The following PTPRD variants were observed in gnomAD, a reference collection of about 807,000 sequenced individuals.
PTPRD encodes the protein receptor-type tyrosine-protein phosphatase delta.
Under a neutral mutation model 214.5 loss-of-function variants are expected in PTPRD, and 34 were observed. That is an observed-to-expected ratio of 0.16 (90% CI 0.12 to 0.21). PTPRD has a LOEUF of 0.21. Ranked by LOEUF, PTPRD falls within the 10% of genes least tolerant of loss-of-function variation. PTPRD has a pLI of 1.00. For synonymous variants in PTPRD, 1,128 were observed against 845.7 expected (o/e 1.33, Z -5.79); for missense variants, 2,545 against 2,398.7 (o/e 1.06, Z -1.27).
At chr9:9,510,339 T>C (rs1053650726) in intron 8 of PTPRD, among the ~76,000 whole-genome samples, 3 of 151,720 alleles carry the variant, frequency 2.0e-5, no homozygotes, top group African/African-American at 7.3e-5. Context: ...AAACAGGATG[T>C]CTTATTCTTT....
intron 9 of PTPRD, among the ~76,000 whole-genome samples, chr9:9,272,575 A>G (rs1943388110): frequency 1.3e-5 from 2 of 151,260 alleles, no homozygotes; most frequent in Admixed American, 1.3e-4. Flanking sequence ...ATCTGATGCC[A>G]TTATCTTTGC....
chr9:10,243,204 T>G (rs2091452173), intron 3 of PTPRD, among the ~76,000 whole-genome samples: 1 of 152,004 alleles, frequency 6.6e-6, no homozygotes, highest in Non-Finnish European at 1.5e-5. Flanking sequence ...TATCTGAAGT[T>G]GCTGCTTTGA....
chr9:8,945,476 A>C (rs1000864374), intron 11 of PTPRD, among the ~76,000 whole-genome samples: 5 of 151,772 alleles, frequency 3.3e-5, no homozygotes, highest in African/African-American at 1.2e-4. Context: ...ATTACTTTGC[A>C]CCTGGCTATC....
At chr9:9,191,301 A>T (rs1038393741) in intron 9 of PTPRD, among the ~76,000 whole-genome samples, 9 of 152,096 alleles carry the variant, frequency 5.9e-5, no homozygotes, top group Non-Finnish European at 8.8e-5. Flanking sequence ...TGAGATAGGA[A>T]GGGGTCTTCT....
At chr9:10,503,205 A>AC (rs1187870575) in intron 2 of PTPRD, among the ~76,000 whole-genome samples, 3 of 134,736 alleles carry the variant, frequency 2.2e-5, no homozygotes, top group African/African-American at 3.2e-5. Flanking sequence ...AAAAAAAAAA[A>AC]AACAAAAAAA....
chr9:9,264,440 ACT>A (rs764795627), intron 9 of PTPRD, among the ~76,000 whole-genome samples: 1 of 151,582 alleles, frequency 6.6e-6, no homozygotes, highest in Non-Finnish European at 1.5e-5. Flanking sequence ...TAGAAGAAAG[ACT>A]CTGTGAAATC....
intron 7 of PTPRD, among the ~76,000 whole-genome samples, chr9:9,675,269 G>A (rs2096907377): frequency 6.6e-6 from 1 of 151,776 alleles, no homozygotes; most frequent in Admixed American, 6.6e-5. Flanking sequence ...ATCAAAATCT[G>A]TAGATGCAGT....
chr9:8,340,538 C>T, intron 41 of PTPRD, 69 bp from the exon 42 acceptor site: 1 of 1,403,716 alleles, frequency 7.1e-7, no homozygotes, highest in Non-Finnish European at 9.5e-7. Flanking sequence ...ACACTGGATA[C>T]ATAAACATCA....
At chr9:10,354,373 T>A (rs908205401) in intron 2 of PTPRD, among the ~76,000 whole-genome samples, 1 of 152,188 alleles carries the variant, frequency 6.6e-6, no homozygotes, top group Non-Finnish European at 1.5e-5. Flanking sequence ...TTCTAATTTC[T>A]GACTGTTAAA....
intron 10 of PTPRD, among the ~76,000 whole-genome samples, chr9:9,048,048 G>T (rs563952249): frequency 6.6e-6 from 1 of 152,096 alleles, no homozygotes; most frequent in Non-Finnish European, 1.5e-5. Context: ...CATAAGAAAA[G>T]GTGCTTGACA....
intron 9 of PTPRD, among the ~76,000 whole-genome samples, chr9:9,386,694 A>G (rs114050190): frequency 0.037 from 5,602 of 152,264 alleles, 357 homozygotes; most frequent in African/African-American, 0.13. Flanking sequence ...ACATGTACAT[A>G]AAATCACACA....
intron 7 of PTPRD, among the ~76,000 whole-genome samples, chr9:9,716,779 A>T (rs1258555309): frequency 6.6e-6 from 1 of 151,454 alleles, no homozygotes; most frequent in African/African-American, 2.4e-5. Flanking sequence ...GGTTGCAAAA[A>T]TTTTCTCCCA....
chr9:8,683,911 A>T (rs1388725586), intron 12 of PTPRD, among the ~76,000 whole-genome samples: 1 of 152,218 alleles, frequency 6.6e-6, no homozygotes, highest in Non-Finnish European at 1.5e-5. Flanking sequence ...AGAACTCATC[A>T]GGAGACCAAA....
intron 12 of PTPRD, among the ~76,000 whole-genome samples, chr9:8,684,921 T>C (rs903934478): frequency 1.3e-5 from 2 of 152,140 alleles, no homozygotes; most frequent in South Asian, 2.1e-4. Flanking sequence ...TTCACAATCC[T>C]AGAGAGAGAA....
intron 2 of PTPRD, among the ~76,000 whole-genome samples, chr9:10,585,480 A>C (rs1034930943): frequency 6.6e-6 from 1 of 152,132 alleles, no homozygotes; most frequent in African/African-American, 2.4e-5. Context: ...TTTCTCCAGA[A>C]AGCTTTTAGA....
At chr9:10,476,798 C>A (rs1291847710) in intron 2 of PTPRD, among the ~76,000 whole-genome samples, 2 of 152,026 alleles carry the variant, frequency 1.3e-5, no homozygotes, top group Non-Finnish European at 2.9e-5. Context: ...GATATACAGA[C>A]CAAGGGAACA....
Position 10,125,177 on chromosome 9 carries a change from G to A in PTPRD, c.-544-91387C>T, listed in dbSNP as rs190041222. Among the ~76,000 whole-genome samples, 3 of 151,908 alleles carry A rather than the reference G, an allele frequency of 2.0e-5. No homozygotes were observed. In the East Asian group the frequency reaches 5.8e-4, roughly 30 times the overall value. On this transcript the variant is annotated intron_variant, in intron 3 of 45. Transcript: ENST00000381196. ...TAGGAGTTGTACAAACTTAAAGGTG[G>A]GAGCTCTGTGCAAGACAATATAATC...
At chr9:10,243,868 A>G (rs2062228441) in intron 3 of PTPRD, among the ~76,000 whole-genome samples, 1 of 152,022 alleles carries the variant, frequency 6.6e-6, no homozygotes, top group African/African-American at 2.4e-5. Flanking sequence ...GTCCTGGATT[A>G]ATCATTTTTT....
intron 2 of PTPRD, among the ~76,000 whole-genome samples, chr9:10,476,791 A>C (rs545068030): frequency 3.9e-5 from 6 of 152,178 alleles, no homozygotes; most frequent in Non-Finnish European, 8.8e-5. Context: ...AAAAACAGAT[A>C]TACAGACCAA....
Sources: allele counts gnomAD v4.1 joint callset (sites outside exome capture counted in the v4.1 genomes callset), GRCh38; gene constraint gnomAD v4.1.1; transcripts MANE v1.5; gene names NCBI Gene and HGNC (gene_info 2026-07-23, HGNC 2026-07-21).